Variants in EDN3 observed in about 807,000 individuals in gnomAD.
EDN3 encodes the protein endothelin-3.
In EDN3, 9 loss-of-function variants were observed where a neutral mutation model predicts 21.4. The ratio of observed to expected loss-of-function variants is 0.42; its 90% CI spans 0.25 to 0.73. The LOEUF is 0.73. Among genes scored for constraint, EDN3 ranks in the 30% least tolerant of loss-of-function variants. The pLI is 0.26. For synonymous variants in EDN3, 133 were observed against 126.2 expected (o/e 1.05, Z -0.36); for missense variants, 327 against 309.4 (o/e 1.06, Z -0.43).
At chr20:59,313,618 C>A (rs538368648) in intron 2 of EDN3, among the ~76,000 whole-genome samples, 13 of 152,304 alleles carry the variant, frequency 8.5e-5, no homozygotes, top group Middle Eastern at 3.4e-3. Flanking sequence ...ATTCTAGAAT[C>A]ATGGGCTCTT....
intron 2 of EDN3, among the ~76,000 whole-genome samples, chr20:59,307,699 CAG>C: frequency 6.6e-6 from 1 of 152,274 alleles, no homozygotes; most frequent in African/African-American, 2.4e-5. Flanking sequence ...CTTTTTGAGA[CAG>C]TGTCTCATTC....
At position 59,322,508 on chromosome 20, in the gene EDN3, T is replaced by C; in HGVS notation, c.588+91T>C. 5 of 1,525,254 alleles carry C rather than the reference T, an allele frequency of 3.3e-6. No homozygotes were observed. Among genetic ancestry groups the C allele is most frequent in the Non-Finnish European group, 4.5e-6 (5 of 1,102,284 alleles). The allele number at this position is 1,525,254 out of a possible 1,614,324, so 94.5% of individuals were successfully genotyped here. On this transcript the variant is annotated intron_variant, in intron 4 of 4. Coordinates refer to ENST00000337938, the MANE Select transcript of EDN3 (RefSeq NM_207034.3). The surrounding 1 kb of genome is among the most constrained non-coding windows in gnomAD (Gnocchi z 4.1). ...GTGGGTGGAGGGTGTTTTGAGGGGA[T>C]GGCATCTGGTCTGGTCCAGTGGGAA...
At chr20:59,301,997 C>G (rs1221681078) in intron 2 of EDN3, among the ~76,000 whole-genome samples, 1 of 152,180 alleles carries the variant, frequency 6.6e-6, no homozygotes, top group Non-Finnish European at 1.5e-5. Context: ...ATGAAGTGAA[C>G]TGACCAGGGG....
intron 2 of EDN3, among the ~76,000 whole-genome samples, chr20:59,320,345 C>T (rs1990449201): frequency 6.6e-6 from 1 of 152,250 alleles, no homozygotes; most frequent in Non-Finnish European, 1.5e-5. Context: ...AACTGCTGTG[C>T]ACATGGAAGA....
chr20:59,303,861 A>C (rs1007126403), intron 2 of EDN3, among the ~76,000 whole-genome samples: 3 of 152,160 alleles, frequency 2.0e-5, no homozygotes, highest in Middle Eastern at 3.2e-3. Context: ...ACACTGGTTC[A>C]ATTTAAACAT....
At position 59,324,824 on chromosome 20, in the gene EDN3, A is replaced by G. The variant is rs1407867760; in HGVS notation, c.*365A>G. 31 of 348,862 alleles carry G rather than the reference A, an allele frequency of 8.9e-5. No homozygotes were observed. In the East Asian group the frequency reaches 1.7e-3, roughly 19 times the overall value. The allele number at this position is 348,862 out of a possible 1,614,324, so 21.6% of individuals were successfully genotyped here. ...GCTAACTCTTTGCAAATGTAAACAC[A>G]TGTCCATCTTGTAATAAATGCAAAA... On this transcript the variant is annotated 3_prime_UTR_variant, in exon 5 of 5. Coordinates refer to ENST00000337938, the MANE Select transcript of EDN3 (RefSeq NM_207034.3).
rs1990797975 is a variant in EDN3 at position 59,325,658 on chromosome 20, CATG to C, written c.*1201_*1203del. The C allele has an allele frequency of 6.6e-6, 1 of 152,180 alleles. No homozygotes were observed. The highest frequency in any genetic ancestry group is 1.5e-5 in the Non-Finnish European group (1 of 68,032). The allele number at this position is 152,180 out of a possible 1,614,324, so 9.4% of individuals were successfully genotyped here. A position where few individuals can be genotyped will look rare whatever the true frequency, so the allele number is the denominator to read the frequency against. ...TACAGGTATAAAAGTGATGACCTATCATGAGGAAATGAAAGTGGCTGATTTGCT... is the reference window on the plus strand; with the variant it reads ...TACAGGTATAAAAGTGATGACCTATCAGGAAATGAAAGTGGCTGATTTGCT... On this transcript the variant is annotated 3_prime_UTR_variant, in exon 5 of 5. Transcript: ENST00000337938.
intron 2 of EDN3, among the ~76,000 whole-genome samples, chr20:59,318,925 G>T (rs1386263489): frequency 6.6e-6 from 1 of 152,176 alleles, no homozygotes; most frequent in Admixed American, 6.5e-5. Context: ...GAAATGGGGG[G>T]ATTGATTTAA....
chr20:59,321,782 C>A (rs993864581), intron 3 of EDN3, among the ~76,000 whole-genome samples: 1 of 152,178 alleles, frequency 6.6e-6, no homozygotes, highest in African/African-American at 2.4e-5. Flanking sequence ...AAGTTTGAGA[C>A]CCTGTGGTCT....
Position 59,305,449 on chromosome 20 carries a change from G to C in EDN3, c.365+3727G>C, listed in dbSNP as rs1989342915. Reference sequence around the variant, plus strand: ...GGTAGCTGGGGCCTGTAGGAGTCAGGGTTCTCTAGAGAGACAGAACCAACA... The same window carrying C: ...GGTAGCTGGGGCCTGTAGGAGTCAGCGTTCTCTAGAGAGACAGAACCAACA... On this transcript the variant is annotated intron_variant, in intron 2 of 4. Transcript: ENST00000337938. The surrounding 1 kb of genome is among the most constrained non-coding windows in gnomAD (Gnocchi z 4.2). 6.6e-6 allele frequency among the ~76,000 whole-genome samples: 1 copy of C among 152,168 alleles called. No homozygotes were observed. The highest frequency in any genetic ancestry group is 2.1e-4 in the South Asian group (1 of 4,814).
intron 2 of EDN3, among the ~76,000 whole-genome samples, chr20:59,311,528 G>A (rs537383137): frequency 6.6e-6 from 1 of 152,222 alleles, no homozygotes; most frequent in South Asian, 2.1e-4. Context: ...CATGGCATTT[G>A]TAAACTGTCA....
intron 2 of EDN3, among the ~76,000 whole-genome samples, chr20:59,319,794 G>A (rs1411531653): frequency 1.3e-5 from 2 of 151,838 alleles, no homozygotes; most frequent in Non-Finnish European, 2.9e-5. Context: ...CAGAGGGGAT[G>A]TCAGGACTCC....
chr20:59,306,490 G>T (rs1989416203), intron 2 of EDN3, among the ~76,000 whole-genome samples: 1 of 150,630 alleles, frequency 6.6e-6, no homozygotes, highest in South Asian at 2.1e-4. Flanking sequence ...CTATCAAGAT[G>T]CCCAGGCCGG....
chr20:59,302,017 C>T (rs1445739247), intron 2 of EDN3, among the ~76,000 whole-genome samples: 5 of 152,178 alleles, frequency 3.3e-5, no homozygotes, highest in East Asian at 1.9e-4. Context: ...GGATTAGATA[C>T]CTGAGATGTC....
At chr20:59,320,954 C>T (rs1163661935) in intron 2 of EDN3, 63 bp from the exon 3 acceptor site, 1 of 1,601,658 alleles carries the variant, frequency 6.2e-7, no homozygotes, top group Non-Finnish European at 8.5e-7. Context: ...GCTCCACACC[C>T]TTGGGGGCCC....
chr20:59,302,692 T>A (rs1043343885), intron 2 of EDN3, among the ~76,000 whole-genome samples: 2 of 152,154 alleles, frequency 1.3e-5, no homozygotes, highest in Non-Finnish European at 2.9e-5. Flanking sequence ...CTCTTGGGAC[T>A]CTTGCTTGTA....
chr20:59,311,904 A>G (rs3026597), intron 2 of EDN3, among the ~76,000 whole-genome samples: 1,690 of 152,326 alleles, frequency 0.011, 38 homozygotes, highest in African/African-American at 0.038. Flanking sequence ...CTTTACGGTC[A>G]TTGTGATGGT....
chr20:59,304,947 T>C (rs1349372196), intron 2 of EDN3, among the ~76,000 whole-genome samples: 2 of 152,190 alleles, frequency 1.3e-5, no homozygotes, highest in African/African-American at 4.8e-5. Context: ...GGCTCATCTT[T>C]GCTGTTGCTG....
At chr20:59,303,648 C>T (rs1054949453) in intron 2 of EDN3, among the ~76,000 whole-genome samples, 29 of 152,304 alleles carry the variant, frequency 1.9e-4, no homozygotes, top group Middle Eastern at 6.8e-3. Context: ...GAAGTGATGA[C>T]TTGAGACATG....
Sources: allele counts gnomAD v4.1 joint callset (sites outside exome capture counted in the v4.1 genomes callset), GRCh38; gene constraint gnomAD v4.1.1; non-coding constraint Gnocchi (gnomAD v3.1); transcripts MANE v1.5; gene names NCBI Gene and HGNC (gene_info 2026-07-23, HGNC 2026-07-21).